Variants in SNX29 observed in about 807,000 individuals in gnomAD.
The protein encoded by SNX29 is sorting nexin 29.
In SNX29, 78 loss-of-function variants were observed where a neutral mutation model predicts 102.1. That is an observed-to-expected ratio of 0.76 (90% CI 0.64 to 0.92). The LOEUF (loss-of-function observed/expected upper bound fraction) is 0.92, where lower values mean the gene tolerates loss of function less well. SNX29 is among the 40% of genes least tolerant of loss of function. SNX29 has a pLI of 0.00. For synonymous variants in SNX29, 580 were observed against 414.5 expected (o/e 1.40, Z -4.85); for missense variants, 1,280 against 1,061.7 (o/e 1.21, Z -2.86).
chr16:12,543,114 G>A (rs897017415), intron 20 of SNX29, among the ~76,000 whole-genome samples: 23 of 152,192 alleles, frequency 1.5e-4, no homozygotes, highest in African/African-American at 4.8e-4. Context: ...CCTGGCAGCT[G>A]CGTATCTTAT....
At position 12,153,382 on chromosome 16, in the gene SNX29, C is replaced by G. The variant is rs564565519; in HGVS notation, c.1595+23624C>G. Among the ~76,000 whole-genome samples, 5 of 152,078 alleles carry G rather than the reference C, an allele frequency of 3.3e-5. No individual in the cohort carries two copies. In the South Asian group the frequency reaches 8.3e-4, roughly 25 times the overall value. On this transcript the variant is annotated intron_variant, in intron 13 of 20. Transcript: ENST00000566228. Reference sequence around the variant, plus strand: ...ACCCACTCTGGATCTCTTGGCCGGTCTTGTGTACAGTCTGGAGGCCCCTGG... The same window carrying G: ...ACCCACTCTGGATCTCTTGGCCGGTGTTGTGTACAGTCTGGAGGCCCCTGG...
chr16:12,262,458 G>A (rs1393403819), intron 14 of SNX29, among the ~76,000 whole-genome samples: 1 of 152,206 alleles, frequency 6.6e-6, no homozygotes, highest in Non-Finnish European at 1.5e-5. Flanking sequence ...GCACGAGGCT[G>A]TAGATGGTGG....
intron 19 of SNX29, among the ~76,000 whole-genome samples, chr16:12,522,119 G>A (rs888096103): frequency 6.6e-6 from 1 of 152,234 alleles, no homozygotes; most frequent in Non-Finnish European, 1.5e-5. Flanking sequence ...CTTGCAAGAG[G>A]CTTGCTAGAG....
chr16:12,382,623 T>G (rs2083209108), intron 16 of SNX29, among the ~76,000 whole-genome samples: 1 of 152,240 alleles, frequency 6.6e-6, no homozygotes, highest in Non-Finnish European at 1.5e-5. Flanking sequence ...CCAATTACCA[T>G]AAACGTGCTG....
chr16:12,440,687 C>A (rs1311928058), intron 18 of SNX29, among the ~76,000 whole-genome samples: 1 of 90,008 alleles, frequency 1.1e-5, no homozygotes, highest in Non-Finnish European at 2.3e-5. Context: ...TGAGAACATG[C>A]AATACTTGAT....
intron 11 of SNX29, among the ~76,000 whole-genome samples, chr16:12,106,300 C>G (rs1366942304): frequency 6.6e-6 from 1 of 151,794 alleles, no homozygotes; most frequent in Non-Finnish European, 1.5e-5. Context: ...CTGAGCAACA[C>G]TGGTTTAGAC....
At chr16:12,463,739 A>G (rs1196531000) in intron 18 of SNX29, among the ~76,000 whole-genome samples, 1 of 152,250 alleles carries the variant, frequency 6.6e-6, no homozygotes, top group East Asian at 1.9e-4. Context: ...AAGGCATACA[A>G]CATGATGGTT....
chr16:12,157,071 G>T (rs778460398), intron 13 of SNX29, among the ~76,000 whole-genome samples: 1 of 152,186 alleles, frequency 6.6e-6, no homozygotes, highest in Non-Finnish European at 1.5e-5. Context: ...GGGAAGGAAC[G>T]GCAGTCAGGA....
chr16:12,544,779 C>T (rs1000794134), intron 20 of SNX29, among the ~76,000 whole-genome samples: 1 of 152,202 alleles, frequency 6.6e-6, no homozygotes, highest in Non-Finnish European at 1.5e-5. Context: ...AGCTGGTAAA[C>T]TGCAGAGCCA....
chr16:12,479,128 C>T (rs899821282), intron 19 of SNX29, among the ~76,000 whole-genome samples: 1 of 152,210 alleles, frequency 6.6e-6, no homozygotes, highest in African/African-American at 2.4e-5. Context: ...TCACCGTAGA[C>T]ATGCTGATTC....
At chr16:12,487,375 GC>G (rs1341531145) in intron 19 of SNX29, among the ~76,000 whole-genome samples, 1 of 152,168 alleles carries the variant, frequency 6.6e-6, no homozygotes, top group Non-Finnish European at 1.5e-5. Flanking sequence ...ATGCCGGCTT[GC>G]CAGACACACC....
intron 3 of SNX29, among the ~76,000 whole-genome samples, chr16:12,012,636 T>C (rs2056691845): frequency 6.6e-6 from 1 of 152,056 alleles, no homozygotes; most frequent in Non-Finnish European, 1.5e-5. Context: ...CTTAAACTCC[T>C]GACCTCGTGA....
Position 11,976,760 on chromosome 16 carries a change from G to C in SNX29, c.-47G>C, listed in dbSNP as rs1282185203. 3.8e-5 allele frequency: 49 copies of C among 1,284,054 alleles called. No homozygotes were observed. The highest frequency in any genetic ancestry group is 4.9e-5 in the Non-Finnish European group (49 of 1,005,744). The allele number at this position is 1,284,054 out of a possible 1,614,324, so 79.5% of individuals were successfully genotyped here. A position where few individuals can be genotyped will look rare whatever the true frequency, so the allele number is the denominator to read the frequency against. On this transcript the variant is annotated 5_prime_UTR_variant, in exon 1 of 21. Transcript: ENST00000566228. ...TCTGGAGCTCGGCAGCCGCAGAAGCGGCAGCGGCGGCGGCGCGGCGCAGGC... is the reference window on the plus strand; with the variant it reads ...TCTGGAGCTCGGCAGCCGCAGAAGCCGCAGCGGCGGCGGCGCGGCGCAGGC...
At chr16:12,435,130 A>T (rs1053043791) in intron 18 of SNX29, among the ~76,000 whole-genome samples, 3 of 152,138 alleles carry the variant, frequency 2.0e-5, no homozygotes, top group African/African-American at 7.2e-5. Context: ...GCTGTTCTTC[A>T]GTTGCAGAGA....
intron 16 of SNX29, among the ~76,000 whole-genome samples, chr16:12,377,911 T>G (rs2082936852): frequency 6.6e-6 from 1 of 152,134 alleles, no homozygotes. Context: ...TCCTTTGGGT[T>G]TTCATTTTCA....
chr16:12,127,388 ATACCC>A (rs1239464229), intron 12 of SNX29, among the ~76,000 whole-genome samples: 1 of 151,616 alleles, frequency 6.6e-6, no homozygotes, highest in Non-Finnish European at 1.5e-5. Context: ...AAGAAGTCCT[ATACCC>A]TTTAATTATC....
At chr16:12,197,457 G>A (rs2076805912) in intron 13 of SNX29, among the ~76,000 whole-genome samples, 1 of 152,066 alleles carries the variant, frequency 6.6e-6, no homozygotes, top group South Asian at 2.1e-4. Context: ...TATAATCCCA[G>A]ATACTTGGGA....
At chr16:12,530,170 T>C (rs570359038) in intron 20 of SNX29, among the ~76,000 whole-genome samples, 6 of 152,314 alleles carry the variant, frequency 3.9e-5, no homozygotes, top group South Asian at 2.1e-4. Flanking sequence ...GGTAGCCACA[T>C]AGAAAGTGCG....
At chr16:12,514,886 A>AAGAG (rs904701320) in intron 19 of SNX29, among the ~76,000 whole-genome samples, 1 of 149,866 alleles carries the variant, frequency 6.7e-6, no homozygotes, top group Non-Finnish European at 1.5e-5. Context: ...GAAAGAAAGA[A>AAGAG]AGAGAGAGAG....
Sources: allele counts gnomAD v4.1 joint callset (sites outside exome capture counted in the v4.1 genomes callset), GRCh38; gene constraint gnomAD v4.1.1; transcripts MANE v1.5; gene names NCBI Gene and HGNC (gene_info 2026-07-23, HGNC 2026-07-21).